The following PPIG variants were observed in gnomAD, a reference collection of about 807,000 sequenced individuals.
PPIG encodes the protein peptidyl-prolyl cis-trans isomerase G.
Under a neutral mutation model 87.9 loss-of-function variants are expected in PPIG, and 26 were observed. The ratio of observed to expected loss-of-function variants is 0.30; its 90% CI spans 0.22 to 0.41. PPIG has a LOEUF of 0.41. Among genes scored for constraint, PPIG ranks in the 10% least tolerant of loss-of-function variants. PPIG has a pLI of 1.00. For synonymous variants in PPIG, 308 were observed against 276.5 expected (o/e 1.11, Z -1.13); for missense variants, 722 against 879.4 (o/e 0.82, Z 2.26).
At chr2:169,625,156 C>T (rs1685851451) in intron 9 of PPIG, among the ~76,000 whole-genome samples, 1 of 152,152 alleles carries the variant, frequency 6.6e-6, no homozygotes, top group Non-Finnish European at 1.5e-5. Context: ...ATTAACTGTT[C>T]TCACCATGCT....
intron 12 of PPIG, chr2:169,633,539 AT>A: frequency 2.1e-6 from 1 of 466,324 alleles, no homozygotes; most frequent in Non-Finnish European, 3.7e-6. Flanking sequence ...CTTGTTAAAA[AT>A]AAATAAAAAT....
At chr2:169,590,129 C>CAAA (rs59876325) in intron 1 of PPIG, among the ~76,000 whole-genome samples, 2,453 of 139,334 alleles carry the variant, frequency 0.018, 42 homozygotes, top group Non-Finnish European at 0.02. Flanking sequence ...CGACAACAAC[C>CAAA]AAAAAAAAAA....
At position 169,607,144 on chromosome 2, in the gene PPIG, T is replaced by C; in HGVS notation, c.285T>C (p.Phe95=). The C allele has an allele frequency of 6.5e-7, 1 of 1,546,240 alleles. No individual in the cohort carries two copies. The highest frequency in any genetic ancestry group is 8.9e-7 in the Non-Finnish European group (1 of 1,125,122). Residue 95 remains phenylalanine (F), a synonymous_variant, in exon 6 of 14, where the codon TTT becomes TTC. Coordinates refer to ENST00000260970, the MANE Select transcript of PPIG (RefSeq NM_004792.3). ...GGGAATCTATCTATGGAGGATTTTTTGAAGGTAAAAATGTTTACATTTATA... is the reference window on the plus strand; with the variant it reads ...GGGAATCTATCTATGGAGGATTTTTCGAAGGTAAAAATGTTTACATTTATA... ...RGGESIYGGF[F]EDESFAVKHN...
chr2:169,617,309 G>C (rs114945739), intron 9 of PPIG, among the ~76,000 whole-genome samples: 3,291 of 152,130 alleles, frequency 0.022, 131 homozygotes, highest in African/African-American at 0.075. Flanking sequence ...CTCCAACTTT[G>C]TTCCTTTTCC....
chr2:169,602,630 G>A (rs984968027), intron 1 of PPIG, among the ~76,000 whole-genome samples: 1 of 152,164 alleles, frequency 6.6e-6, no homozygotes, highest in African/African-American at 2.4e-5. Flanking sequence ...GCCTGTTTTT[G>A]TTTGTCAAAA....
intron 7 of PPIG, among the ~76,000 whole-genome samples, chr2:169,611,028 G>A (rs562212795): frequency 1.3e-5 from 2 of 152,258 alleles, no homozygotes; most frequent in East Asian, 3.9e-4. Flanking sequence ...GGCCAACATG[G>A]TGAAACCCAG....
chr2:169,599,052 A>G (rs1158748372), intron 1 of PPIG, among the ~76,000 whole-genome samples: 1 of 152,078 alleles, frequency 6.6e-6, no homozygotes, highest in Non-Finnish European at 1.5e-5. Flanking sequence ...ATGTGTAAGG[A>G]TGTACATAAA....
chr2:169,590,438 A>T (rs1391427474), intron 1 of PPIG, among the ~76,000 whole-genome samples: 1 of 152,202 alleles, frequency 6.6e-6, no homozygotes, highest in Non-Finnish European at 1.5e-5. Flanking sequence ...CAGGAGATCG[A>T]GACCATCCTA....
At position 169,637,716 on chromosome 2, in the gene PPIG, G is replaced by A. The variant is rs1325360776; in HGVS notation, c.*193G>A. ...AATCTGGATAATTTGTACTGCTAAA[G>A]TTTTAATAAACTCGACATGAGAAAA... On this transcript the variant is annotated 3_prime_UTR_variant, in exon 14 of 14. Coordinates refer to ENST00000260970, the MANE Select transcript of PPIG (RefSeq NM_004792.3). 1.1e-5 allele frequency: 6 copies of A among 565,784 alleles called. No individual in the cohort carries two copies. Among genetic ancestry groups the A allele is most frequent in the Non-Finnish European group, 1.7e-5 (6 of 345,622 alleles). 35.0% of individuals were successfully genotyped at this position (565,784 alleles called of 1,614,324 possible).
intron 9 of PPIG, among the ~76,000 whole-genome samples, chr2:169,630,286 T>C (rs1010093066): frequency 6.6e-6 from 1 of 152,170 alleles, no homozygotes; most frequent in Non-Finnish European, 1.5e-5. Context: ...CCTCTTGAGC[T>C]AAATTTCTTA....
intron 9 of PPIG, among the ~76,000 whole-genome samples, chr2:169,626,055 C>G (rs986005664): frequency 2.6e-5 from 4 of 152,172 alleles, no homozygotes; most frequent in African/African-American, 9.7e-5. Context: ...GGGACCATGG[C>G]TCTTCATCTC....
At chr2:169,602,801 C>T (rs1685221415) in intron 1 of PPIG, among the ~76,000 whole-genome samples, 1 of 152,100 alleles carries the variant, frequency 6.6e-6, no homozygotes, top group Non-Finnish European at 1.5e-5. Flanking sequence ...AGAATCATTC[C>T]ACTCTGGCTA....
At chr2:169,611,368 A>G (rs935157496) in intron 7 of PPIG, among the ~76,000 whole-genome samples, 2 of 152,156 alleles carry the variant, frequency 1.3e-5, no homozygotes. Flanking sequence ...CTATAATATA[A>G]ATCTCTGCAC....
In PPIG at chr2:169,607,159, T is replaced by C. The variant is rs1685355856; in HGVS notation, c.289+11T>C. 6 of 1,469,656 alleles carry C rather than the reference T, an allele frequency of 4.1e-6. No individual in the cohort carries two copies. Among genetic ancestry groups the C allele is most frequent in the Admixed American group, 3.4e-5 (2 of 58,212 alleles). The allele number at this position is 1,469,656 out of a possible 1,614,324, so 91.0% of individuals were successfully genotyped here. A position where few individuals can be genotyped will look rare whatever the true frequency, so the allele number is the denominator to read the frequency against. ...GAGGATTTTTTGAAGGTAAAAATGT[T>C]TACATTTATATTATGTTTTAAATAT... On this transcript the variant is annotated intron_variant, in intron 6 of 13. Coordinates refer to ENST00000260970, the MANE Select transcript of PPIG (RefSeq NM_004792.3).
intron 9 of PPIG, among the ~76,000 whole-genome samples, chr2:169,619,294 G>A (rs1201198019): frequency 1.3e-5 from 2 of 152,098 alleles, no homozygotes; most frequent in Non-Finnish European, 2.9e-5. Flanking sequence ...TTCCAATTAT[G>A]TGGTCAATTT....
intron 7 of PPIG, among the ~76,000 whole-genome samples, chr2:169,609,999 A>G (rs937772224): frequency 1.3e-5 from 2 of 152,368 alleles, no homozygotes; most frequent in South Asian, 2.1e-4. Context: ...AAGGATTTCC[A>G]ATTCCAACTA....
chr2:169,604,594 A>C (rs1011270287), intron 4 of PPIG, among the ~76,000 whole-genome samples: 3 of 152,100 alleles, frequency 2.0e-5, no homozygotes, highest in Non-Finnish European at 2.9e-5. Context: ...ATGGCTGGGC[A>C]GCCAGGCGCA....
intron 9 of PPIG, among the ~76,000 whole-genome samples, chr2:169,616,826 T>C (rs1456040351): frequency 6.6e-6 from 1 of 152,234 alleles, no homozygotes; most frequent in African/African-American, 2.4e-5. Context: ...TAGTTTCTTT[T>C]GCTGTGCAGA....
intron 1 of PPIG, among the ~76,000 whole-genome samples, chr2:169,595,696 A>G (rs920164640): frequency 2.0e-5 from 3 of 152,212 alleles, no homozygotes; most frequent in Admixed American, 1.3e-4. Flanking sequence ...TTTACTTACT[A>G]TAATGACCTT....
Sources: allele counts gnomAD v4.1 joint callset (sites outside exome capture counted in the v4.1 genomes callset), GRCh38; gene constraint gnomAD v4.1.1; transcripts MANE v1.5; gene names NCBI Gene and HGNC (gene_info 2026-07-23, HGNC 2026-07-21).